The following RYR3 variants were observed in gnomAD, a reference collection of about 807,000 sequenced individuals.
RYR3 encodes the protein brain ryanodine receptor-calcium release channel.
Under a neutral mutation model 584.3 loss-of-function variants are expected in RYR3, and 207 were observed. That is an observed-to-expected ratio of 0.35 (90% CI 0.32 to 0.40). The LOEUF (loss-of-function observed/expected upper bound fraction) is 0.40. Among genes scored for constraint, RYR3 ranks in the 10% least tolerant of loss-of-function variants. The probability of loss-of-function intolerance (pLI) is 1.00; values close to 1 mark genes in which losing one functional copy is unlikely to be tolerated. For missense variants in RYR3, 5,616 were observed against 6,089.2 expected, an observed-to-expected ratio of 0.92 and a Z score of 2.59; for synonymous variants, 2,416 against 2,248.5, an observed-to-expected ratio of 1.07 and a Z score of -2.11.
intron 47 of RYR3, among the ~76,000 whole-genome samples, chr15:33,730,658 T>C (rs2068870590): frequency 6.6e-6 from 1 of 151,830 alleles, no homozygotes; most frequent in Non-Finnish European, 1.5e-5. Context: ...TTCATCTCTG[T>C]GGATCTCAAG....
At chr15:33,602,267 G>A (rs931977437) in intron 17 of RYR3, among the ~76,000 whole-genome samples, 7 of 152,184 alleles carry the variant, frequency 4.6e-5, no homozygotes, top group African/African-American at 1.7e-4. Flanking sequence ...ACCCAAAATA[G>A]GGCATAGCTC....
intron 36 of RYR3, among the ~76,000 whole-genome samples, chr15:33,664,602 TATATATATATATAC>T (rs1235201154): frequency 7.7e-6 from 1 of 129,278 alleles, no homozygotes; most frequent in Non-Finnish European, 1.6e-5. Flanking sequence ...TATATATATA[TATATATATATATAC>T]GTATGTATAC....
chr15:33,863,248 T>C (rs756212024), intron 102 of RYR3, among the ~76,000 whole-genome samples: 14 of 152,204 alleles, frequency 9.2e-5, no homozygotes, highest in Admixed American at 3.3e-4. Context: ...CAAGGAATGA[T>C]GTCCTCAGCC....
chr15:33,349,352 C>CA (rs1391287453), intron 1 of RYR3, among the ~76,000 whole-genome samples: 1 of 152,008 alleles, frequency 6.6e-6, no homozygotes, highest in Non-Finnish European at 1.5e-5. Context: ...AAGAAACTGC[C>CA]AAACTGTCTT....
intron 43 of RYR3, among the ~76,000 whole-genome samples, chr15:33,718,195 T>C (rs181364274): frequency 1.2e-4 from 18 of 152,306 alleles, no homozygotes; most frequent in Non-Finnish European, 2.1e-4. Flanking sequence ...GTTTCTTTTC[T>C]TTAGGACTAA....
At chr15:33,540,504 T>C (rs2055729586) in intron 6 of RYR3, among the ~76,000 whole-genome samples, 1 of 152,312 alleles carries the variant, frequency 6.6e-6, no homozygotes, top group African/African-American at 2.4e-5. Context: ...TATCTTATCC[T>C]ACAAAGAATG....
intron 1 of RYR3, among the ~76,000 whole-genome samples, chr15:33,331,727 T>G (rs912236615): frequency 3.3e-5 from 5 of 151,620 alleles, no homozygotes; most frequent in Non-Finnish European, 7.4e-5. Context: ...ATAAAAATGG[T>G]CATAAAAAGA....
chr15:33,712,145 G>T (rs752719268), intron 43 of RYR3, among the ~76,000 whole-genome samples: 2 of 152,126 alleles, frequency 1.3e-5, no homozygotes, highest in Non-Finnish European at 2.9e-5. Context: ...CATAAGGCAA[G>T]GGGGAGGTGC....
At chr15:33,571,150 C>A (rs998587850) in intron 12 of RYR3, among the ~76,000 whole-genome samples, 1 of 131,760 alleles carries the variant, frequency 7.6e-6, no homozygotes, top group Non-Finnish European at 1.6e-5. Context: ...TGTTCCTGAT[C>A]TAAGGTGGGG....
intron 83 of RYR3, 146 bp from the exon 84 acceptor site, chr15:33,826,526 T>A: frequency 1.2e-6 from 1 of 804,646 alleles, no homozygotes; most frequent in South Asian, 1.5e-5. Context: ...CAGCTCAGTT[T>A]AATTGGGCTT....
At position 33,636,298 on chromosome 15, in the gene RYR3, C is replaced by T. The variant is rs868037895; in HGVS notation, c.3382-78C>T. The stretch of plus-strand genomic sequence containing the variant: ...GTAACCACTACTAGTTAGGAGATAT[C>T]GAAGATATGGTCATTTCTCCAGCTG... On this transcript the variant is annotated intron_variant, in intron 26 of 103. Transcript: ENST00000634891. 4.6e-5 allele frequency: 58 copies of T among 1,253,226 alleles called. No homozygotes were observed. In the Middle Eastern group the frequency reaches 3.4e-3, roughly 74 times the overall value. 77.6% of individuals were successfully genotyped at this position (1,253,226 alleles called of 1,614,324 possible).
intron 2 of RYR3, among the ~76,000 whole-genome samples, chr15:33,496,316 A>G (rs2051419334): frequency 1.3e-5 from 2 of 152,206 alleles, no homozygotes; most frequent in African/African-American, 4.8e-5. Flanking sequence ...CTGGAGAAGT[A>G]GACTCTGTGT....
chr15:33,762,333 A>G (rs781595558), intron 60 of RYR3, among the ~76,000 whole-genome samples: 5 of 152,210 alleles, frequency 3.3e-5, no homozygotes, highest in Non-Finnish European at 5.9e-5. Context: ...TTTGCAGATG[A>G]CATGATCCTA....
chr15:33,335,596 CATCTGTACAGCATGAAATA>C (rs1970868514), intron 1 of RYR3, among the ~76,000 whole-genome samples: 1 of 151,966 alleles, frequency 6.6e-6, no homozygotes, highest in South Asian at 2.1e-4. Flanking sequence ...GTGATGAAAT[CATCTGTACAGCATGAAATA>C]ATCTGTACAG....
At chr15:33,725,706 TC>T (rs1392993198) in intron 45 of RYR3, among the ~76,000 whole-genome samples, 3 of 150,730 alleles carry the variant, frequency 2.0e-5, no homozygotes, top group Non-Finnish European at 4.4e-5. Context: ...ACGCCTGTGA[TC>T]CCAGCACTTT....
intron 2 of RYR3, among the ~76,000 whole-genome samples, chr15:33,497,682 C>G (rs1021073718): frequency 6.6e-6 from 1 of 152,156 alleles, no homozygotes; most frequent in East Asian, 1.9e-4. Context: ...GGCTAATTAG[C>G]ACATCTATAG....
chr15:33,725,954 A>T, intron 45 of RYR3, among the ~76,000 whole-genome samples: 1 of 126,896 alleles, frequency 7.9e-6, no homozygotes, highest in Non-Finnish European at 1.6e-5. Flanking sequence ...TGGGTGACAG[A>T]GCAAGACTCC....
intron 2 of RYR3, 98 bp from the exon 3 acceptor site, chr15:33,503,533 C>A: frequency 2.8e-6 from 2 of 713,670 alleles, no homozygotes; most frequent in South Asian, 1.8e-5. Context: ...ATCCAACTGT[C>A]ATTTTGATTC....
intron 1 of RYR3, among the ~76,000 whole-genome samples, chr15:33,324,440 A>C (rs1969416752): frequency 6.6e-6 from 1 of 152,186 alleles, no homozygotes; most frequent in Non-Finnish European, 1.5e-5. Flanking sequence ...TATTTTGTAG[A>C]TGCTAATATC....
Sources: gnomAD v4.1 joint callset for allele counts (sites outside exome capture counted in the v4.1 genomes callset) on GRCh38, gnomAD v4.1.1 for gene constraint, MANE v1.5 for transcripts, NCBI Gene and HGNC (gene_info 2026-07-23, HGNC 2026-07-21) for gene names.